NHS: variants seen among roughly 807,000 people sequenced by gnomAD.
NHS encodes the protein NHS actin remodeling regulator.
A neutral mutation model predicts 72.5 loss-of-function variants in NHS; 5 were observed. The ratio of observed to expected loss-of-function variants is 0.07; its 90% CI spans 0.04 to 0.14. NHS has a LOEUF of 0.14. NHS is among the 10% of genes least tolerant of loss of function. The probability of loss-of-function intolerance (pLI) is 1.00; values close to 1 mark genes in which losing one functional copy is unlikely to be tolerated. For missense variants in NHS, 1,072 were observed against 1,355.7 expected, an observed-to-expected ratio of 0.79 and a Z score of 3.29; for synonymous variants, 464 against 547.7, an observed-to-expected ratio of 0.85 and a Z score of 2.13.
At position 17,452,278 on chromosome X, in the gene NHS, G is replaced by A. The variant is rs145604281; in HGVS notation, c.565+75956G>A. Among the ~76,000 whole-genome samples the A allele has an allele frequency of 5.7e-3, 638 of 111,733 alleles. 2 individuals are homozygous for A. Among genetic ancestry groups the A allele is most frequent in the African/African-American group, 0.019 (598 of 30,781 alleles). On this transcript the variant is annotated intron_variant, in intron 1 of 8. Transcript: ENST00000676302. The stretch of plus-strand genomic sequence containing the variant: ...AGAGGGGAAGGAAATGCAAAGTTTC[G>A]TTTCCAGTTTAGTGAAAATAAAAAT...
At chrX:17,474,821 A>G (rs2064908121) in intron 1 of NHS, among the ~76,000 whole-genome samples, 1 of 111,086 alleles carries the variant, frequency 9.0e-6, no homozygotes, top group Non-Finnish European at 1.9e-5. Context: ...CCAGAATGAG[A>G]GGTCTTGGAG....
chrX:17,506,554 TA>T (rs2065059656), intron 1 of NHS, among the ~76,000 whole-genome samples: 1 of 105,683 alleles, frequency 9.5e-6, no homozygotes, highest in African/African-American at 3.5e-5. Context: ...AATAAATAAA[TA>T]AATAAATAAA....
chrX:17,515,864 G>C (rs2065116641), intron 1 of NHS, among the ~76,000 whole-genome samples: 1 of 111,354 alleles, frequency 9.0e-6, no homozygotes, highest in South Asian at 3.8e-4. Context: ...CAGGCAGTCT[G>C]GGTTCTTAAC....
intron 1 of NHS, among the ~76,000 whole-genome samples, chrX:17,434,698 C>T (rs1465809977): frequency 1.8e-5 from 2 of 110,886 alleles, no homozygotes; most frequent in Non-Finnish European, 3.8e-5. Flanking sequence ...CTGCCTTGGC[C>T]TCCCAAAGTG....
rs2066012614 is a variant in NHS, at chrX:17,666,305, G to C, written c.566-21437G>C. Reference sequence around the variant, plus strand: ...AATGATGGATTGGTGAAAGGAGAAGGGTAGAGGTAAATGCAACTCTTTTAG... The same window carrying C: ...AATGATGGATTGGTGAAAGGAGAAGCGTAGAGGTAAATGCAACTCTTTTAG... On this transcript the variant is annotated intron_variant, in intron 1 of 8. Transcript: ENST00000676302. 2.7e-5 allele frequency among the ~76,000 whole-genome samples: 3 copies of C among 112,371 alleles called. No homozygotes were observed. The Admixed American group carries it at 2.8e-4, about 11-fold the overall frequency.
chrX:17,441,873 T>C (rs746630577), intron 1 of NHS, among the ~76,000 whole-genome samples: 1 of 112,100 alleles, frequency 8.9e-6, no homozygotes, highest in Admixed American at 9.5e-5. Flanking sequence ...GGAAGTCTTA[T>C]GGATTTCACC....
At chrX:17,526,196 G>A (rs1394372927) in intron 1 of NHS, among the ~76,000 whole-genome samples, 2 of 112,842 alleles carry the variant, frequency 1.8e-5, no homozygotes, top group African/African-American at 6.4e-5. Flanking sequence ...ATTTAGTGGC[G>A]CTGAACAACA....
At chrX:17,675,738 A>G (rs894211129) in intron 1 of NHS, among the ~76,000 whole-genome samples, 14 of 112,419 alleles carry the variant, frequency 1.2e-4, no homozygotes, top group African/African-American at 3.9e-4. Flanking sequence ...TCATCTAGCT[A>G]TGTCTATTAT....
At chrX:17,381,548 CAT>C (rs2064378090) in intron 1 of NHS, among the ~76,000 whole-genome samples, 1 of 112,271 alleles carries the variant, frequency 8.9e-6, no homozygotes. Context: ...TAAGTGAAAT[CAT>C]ATATACTTCT....
chrX:17,448,655 G>A (rs142960026), intron 1 of NHS, among the ~76,000 whole-genome samples: 338 of 111,859 alleles, frequency 3.0e-3, no homozygotes, highest in African/African-American at 0.01. Flanking sequence ...TCCTCTCCTT[G>A]TTTTACACTT....
At chrX:17,623,141 G>A (rs763868357) in intron 1 of NHS, among the ~76,000 whole-genome samples, 1 of 110,989 alleles carries the variant, frequency 9.0e-6, no homozygotes, top group Admixed American at 9.5e-5. Context: ...GTCTCCCTAT[G>A]TTGACCAGGC....
At chrX:17,589,137 A>G (rs1373088425) in intron 1 of NHS, among the ~76,000 whole-genome samples, 3 of 112,204 alleles carry the variant, frequency 2.7e-5, no homozygotes, top group African/African-American at 9.8e-5. Context: ...CAAATGGCCA[A>G]TACATGAAGT....
At chrX:17,682,806 C>T (rs1329738434) in intron 1 of NHS, among the ~76,000 whole-genome samples, 1 of 111,044 alleles carries the variant, frequency 9.0e-6, no homozygotes, top group Non-Finnish European at 1.9e-5. Flanking sequence ...ATGGGATGCT[C>T]ACAAGGCTAG....
At chrX:17,398,332 C>G in intron 1 of NHS, among the ~76,000 whole-genome samples, 1 of 111,818 alleles carries the variant, frequency 8.9e-6, no homozygotes. Context: ...CTTGACCAGT[C>G]CCCCATCTTT....
intron 1 of NHS, among the ~76,000 whole-genome samples, chrX:17,536,223 C>T (rs1048155057): frequency 3.6e-5 from 4 of 111,831 alleles, no homozygotes; most frequent in East Asian, 2.8e-4. Flanking sequence ...GGCGTGGTGG[C>T]GGGTGCCTGT....
chrX:17,430,661 C>A (rs948941210), intron 1 of NHS, among the ~76,000 whole-genome samples: 2 of 110,946 alleles, frequency 1.8e-5, no homozygotes, highest in South Asian at 7.6e-4. Flanking sequence ...TGACAACCAC[C>A]GATGTACTTT....
intron 1 of NHS, among the ~76,000 whole-genome samples, chrX:17,537,642 A>C (rs1360831537): frequency 8.9e-6 from 1 of 112,246 alleles, no homozygotes; most frequent in Non-Finnish European, 1.9e-5. Flanking sequence ...GTCAAGTAGG[A>C]AATGTGGTGT....
intron 1 of NHS, among the ~76,000 whole-genome samples, chrX:17,633,997 T>C (rs1053616479): frequency 9.0e-6 from 1 of 111,718 alleles, no homozygotes; most frequent in African/African-American, 3.3e-5. Context: ...GCTTTCTCTC[T>C]CTTCTGTCTT....
At chrX:17,687,594 C>T (rs965137308) in intron 1 of NHS, 148 bp from the exon 2 acceptor site, 227 of 727,955 alleles carry the variant, frequency 3.1e-4, no homozygotes, top group Non-Finnish European at 4.3e-4. Flanking sequence ...AACCTTTCTC[C>T]GGCCTTGAGT....
Sources: allele counts gnomAD v4.1 joint callset (sites outside exome capture counted in the v4.1 genomes callset), GRCh38; gene constraint gnomAD v4.1.1; transcripts MANE v1.5; gene names NCBI Gene and HGNC (gene_info 2026-07-23, HGNC 2026-07-21).